The following FBXW7 variants were observed in gnomAD, a reference collection of about 807,000 sequenced individuals.
FBXW7 encodes F-box/WD repeat-containing protein 7.
FBXW7 carries 11 observed loss-of-function variants against 86.3 expected under a neutral mutation model. That is an observed-to-expected ratio of 0.13 (90% CI 0.08 to 0.21). The LOEUF is 0.21. FBXW7 is among the 10% of genes least tolerant of loss of function. The pLI, the probability that FBXW7 is intolerant of heterozygous loss-of-function variation, is 1.00. For synonymous variants in FBXW7, 313 were observed against 297.9 expected, an observed-to-expected ratio of 1.05 and a Z score of -0.52; for missense variants, 488 against 847.4, an observed-to-expected ratio of 0.58 and a Z score of 5.27.
chr4:152,511,438 T>G (rs1248367179), intron 2 of FBXW7, among the ~76,000 whole-genome samples: 3 of 152,150 alleles, frequency 2.0e-5, no homozygotes, highest in Non-Finnish European at 2.9e-5. Flanking sequence ...TTTATTTCCC[T>G]TTATCTCTTC....
chr4:152,322,731 A>T lies in FBXW7; in HGVS notation c.*150T>A. 8.0e-7 allele frequency: 1 copy of T among 1,249,106 alleles called. No homozygotes were observed. Among genetic ancestry groups the T allele is most frequent in the Non-Finnish European group, 1.1e-6 (1 of 924,136 alleles). 77.4% of individuals were successfully genotyped at this position (1,249,106 alleles called of 1,614,324 possible). On this transcript the variant is annotated 3_prime_UTR_variant, in exon 14 of 14. Coordinates refer to ENST00000281708, the MANE Select transcript of FBXW7 (RefSeq NM_001349798.2). ...CTTCTTCTTTTCCTTCTTAGTCTGT[A>T]GGTCTTTTCAATCTGTTGCCCCAAG...
intron 4 of FBXW7, among the ~76,000 whole-genome samples, chr4:152,398,417 A>G (rs551940316): frequency 1.9e-3 from 284 of 152,056 alleles, no homozygotes; most frequent in African/African-American, 6.4e-3. Flanking sequence ...TAAATATTTT[A>G]TATCTTTTGT....
At chr4:152,459,167 A>C (rs1442273791) in intron 2 of FBXW7, among the ~76,000 whole-genome samples, 2 of 152,162 alleles carry the variant, frequency 1.3e-5, no homozygotes, top group African/African-American at 2.4e-5. Context: ...TCAGACTATA[A>C]CTGCAGCATG....
chr4:152,442,030 G>C (rs1367686854), intron 2 of FBXW7, among the ~76,000 whole-genome samples: 2 of 152,118 alleles, frequency 1.3e-5, no homozygotes, highest in Non-Finnish European at 2.9e-5. Flanking sequence ...TATTCTTCCT[G>C]TAAGTTTTGT....
At chr4:152,355,378 A>C (rs532558238) in intron 4 of FBXW7, among the ~76,000 whole-genome samples, 1 of 152,214 alleles carries the variant, frequency 6.6e-6, no homozygotes, top group African/African-American at 2.4e-5. Context: ...ATGTTAAATA[A>C]GTTTTTTTAA....
chr4:152,460,428 T>C (rs527389514), intron 2 of FBXW7, among the ~76,000 whole-genome samples: 74 of 152,350 alleles, frequency 4.9e-4, no homozygotes, highest in Admixed American at 1.2e-3. Context: ...GTTTTGATGT[T>C]GATTTCCTCC....
chr4:152,427,150 A>G (rs1739460363), intron 2 of FBXW7, among the ~76,000 whole-genome samples: 1 of 152,224 alleles, frequency 6.6e-6, no homozygotes, highest in Non-Finnish European at 1.5e-5. Context: ...TTATTTGTGT[A>G]GCAAACAGAG....
At chr4:152,436,392 C>A (rs1740383377) in intron 2 of FBXW7, among the ~76,000 whole-genome samples, 1 of 152,208 alleles carries the variant, frequency 6.6e-6, no homozygotes, top group African/African-American at 2.4e-5. Context: ...AAGCTGGAAG[C>A]TAGCAGAGGT....
intron 11 of FBXW7, 101 bp from the exon 12 acceptor site, chr4:152,326,332 AGC>A: frequency 4.2e-6 from 3 of 717,448 alleles, no homozygotes; most frequent in Non-Finnish European, 6.6e-6. Context: ...AAGGTTTTTT[AGC>A]TTTTTTTTTT....
chr4:152,495,638 T>C (rs1746267472), intron 2 of FBXW7, among the ~76,000 whole-genome samples: 1 of 152,198 alleles, frequency 6.6e-6, no homozygotes, highest in Non-Finnish European at 1.5e-5. Flanking sequence ...ATGTAGGGAC[T>C]AGAAATGAGA....
chr4:152,531,491 G>T (rs924830632), intron 2 of FBXW7, among the ~76,000 whole-genome samples: 1 of 150,642 alleles, frequency 6.6e-6, no homozygotes, highest in African/African-American at 2.4e-5. Context: ...TCCTGTTAAA[G>T]TCAATACTAA....
Position 152,453,815 on chromosome 4 carries a change from T to G in FBXW7, c.-119-41286A>C, listed in dbSNP as rs980935688. Among the ~76,000 whole-genome samples the G allele has an allele frequency of 2.6e-5, 4 of 152,216 alleles. No homozygotes were observed. The East Asian group carries it at 7.7e-4, about 29-fold the overall frequency. On this transcript the variant is annotated intron_variant, in intron 2 of 13. Transcript: ENST00000281708. ...AAAGAAAAAATATTTTTTAGAATTT[T>G]TTTGAATTTTTAAATGAAATTTTTC...
At chr4:152,346,873 C>G (rs1472163481) in intron 6 of FBXW7, 57 bp downstream of exon 6, 1 of 1,599,958 alleles carries the variant, frequency 6.3e-7, no homozygotes, top group African/African-American at 1.3e-5. Flanking sequence ...GATGAATAAT[C>G]CCTTATTTTG....
intron 4 of FBXW7, among the ~76,000 whole-genome samples, chr4:152,357,229 T>A (rs1427977992): frequency 6.6e-6 from 1 of 152,126 alleles, no homozygotes; most frequent in Non-Finnish European, 1.5e-5. Flanking sequence ...ATAATATATA[T>A]AATCCAAACC....
chr4:152,446,852 T>C (rs1400661133), intron 2 of FBXW7, among the ~76,000 whole-genome samples: 1 of 152,196 alleles, frequency 6.6e-6, no homozygotes, highest in Non-Finnish European at 1.5e-5. Context: ...ATTTTCAATA[T>C]ATATGAAATT....
chr4:152,440,151 T>C (rs1740757561), intron 2 of FBXW7, among the ~76,000 whole-genome samples: 1 of 152,194 alleles, frequency 6.6e-6, no homozygotes, highest in African/African-American at 2.4e-5. Context: ...TGGCCTCTTA[T>C]GCCAAACTAA....
At chr4:152,333,991 T>C (rs982323321) in intron 7 of FBXW7, among the ~76,000 whole-genome samples, 1 of 151,812 alleles carries the variant, frequency 6.6e-6, no homozygotes, top group Non-Finnish European at 1.5e-5. Flanking sequence ...CAGGTGGAGG[T>C]TGCAGTGAGC....
At chr4:152,369,700 T>TTG (rs1303971784) in intron 4 of FBXW7, among the ~76,000 whole-genome samples, 1 of 152,098 alleles carries the variant, frequency 6.6e-6, no homozygotes, top group Non-Finnish European at 1.5e-5. Flanking sequence ...AAAATTATCA[T>TTG]AAACATTCAT....
chr4:152,406,583 T>C (rs1376340043), intron 4 of FBXW7, among the ~76,000 whole-genome samples: 4 of 152,338 alleles, frequency 2.6e-5, no homozygotes, highest in Non-Finnish European at 5.9e-5. Flanking sequence ...CATTTTGGCA[T>C]CCATATGGAA....
Sources: gnomAD v4.1 joint callset for allele counts (sites outside exome capture counted in the v4.1 genomes callset) on GRCh38, gnomAD v4.1.1 for gene constraint, MANE v1.5 for transcripts, NCBI Gene and HGNC (gene_info 2026-07-23, HGNC 2026-07-21) for gene names.